Variants in IQCJ observed in about 807,000 individuals in gnomAD.
IQCJ encodes the protein IQ domain-containing protein J.
IQCJ carries 9 observed loss-of-function variants against 11.0 expected under a neutral mutation model. That is an observed-to-expected ratio of 0.82 (90% CI 0.49 to 1.43). IQCJ has a LOEUF of 1.43. Among genes scored for constraint, IQCJ ranks in the 40% most tolerant of loss-of-function variants. The pLI is 0.00. For missense variants in IQCJ, 146 were observed against 133.2 expected, an observed-to-expected ratio of 1.10 and a Z score of -0.47; for synonymous variants, 55 against 51.3, an observed-to-expected ratio of 1.07 and a Z score of -0.31.
chr3:159,160,507 ATTTTTATT>A (rs1484733229), intron 1 of IQCJ, among the ~76,000 whole-genome samples: 4 of 151,240 alleles, frequency 2.6e-5, no homozygotes, highest in Non-Finnish European at 4.4e-5. Context: ...TGTGATTTAT[ATTTTTATT>A]TTTTTATTTT....
At chr3:159,221,391 G>C (rs1577090676) in intron 1 of IQCJ, among the ~76,000 whole-genome samples, 1 of 152,116 alleles carries the variant, frequency 6.6e-6, no homozygotes, top group African/African-American at 2.4e-5. Flanking sequence ...GACCTTAAAG[G>C]GTTAAGTAAG....
intron 1 of IQCJ, among the ~76,000 whole-genome samples, chr3:159,116,802 C>T (rs1245794142): frequency 6.6e-6 from 1 of 151,384 alleles, no homozygotes; most frequent in African/African-American, 2.4e-5. Flanking sequence ...AAAATAAGAA[C>T]CAAACCACAC....
chr3:159,253,889 T>C (rs1212332157), intron 3 of IQCJ, among the ~76,000 whole-genome samples: 1 of 152,124 alleles, frequency 6.6e-6, no homozygotes, highest in East Asian at 1.9e-4. Flanking sequence ...CAAATACCAA[T>C]ACATACCCCT....
At chr3:159,103,914 T>C (rs1346682621) in intron 1 of IQCJ, among the ~76,000 whole-genome samples, 2 of 152,258 alleles carry the variant, frequency 1.3e-5, no homozygotes, top group African/African-American at 4.8e-5. Flanking sequence ...TAATTTAATG[T>C]ATATTCAAAT....
At chr3:159,122,855 G>A (rs1056726920) in intron 1 of IQCJ, among the ~76,000 whole-genome samples, 1 of 152,144 alleles carries the variant, frequency 6.6e-6, no homozygotes, top group African/African-American at 2.4e-5. Flanking sequence ...TCTTCAATCT[G>A]TTCATCTTTC....
At chr3:159,186,228 C>T (rs1723363463) in intron 1 of IQCJ, among the ~76,000 whole-genome samples, 1 of 152,118 alleles carries the variant, frequency 6.6e-6, no homozygotes, top group Non-Finnish European at 1.5e-5. Context: ...TGTATATCCC[C>T]AGCACCTAGC....
chr3:159,180,883 G>A (rs922187884), intron 1 of IQCJ, among the ~76,000 whole-genome samples: 3 of 151,924 alleles, frequency 2.0e-5, no homozygotes, highest in Admixed American at 1.3e-4. Flanking sequence ...ACAACATTTT[G>A]TCATCAAGTT....
At chr3:159,217,311 G>T (rs1725288942) in intron 1 of IQCJ, among the ~76,000 whole-genome samples, 1 of 152,198 alleles carries the variant, frequency 6.6e-6, no homozygotes, top group African/African-American at 2.4e-5. Flanking sequence ...TTCTTATTGG[G>T]TGACTGAGTT....
intron 1 of IQCJ, among the ~76,000 whole-genome samples, chr3:159,218,624 TGA>T (rs1725368091): frequency 1.3e-5 from 2 of 152,052 alleles, no homozygotes; most frequent in South Asian, 2.1e-4. Context: ...GGGGAAGATT[TGA>T]GAGTTTTTAG....
chr3:159,085,943 T>G (rs1206391684), intron 1 of IQCJ, among the ~76,000 whole-genome samples: 1 of 152,106 alleles, frequency 6.6e-6, no homozygotes, highest in Non-Finnish European at 1.5e-5. Context: ...TTGTCAATTT[T>G]GGCTTTTGTT....
intron 1 of IQCJ, among the ~76,000 whole-genome samples, chr3:159,220,564 C>T (rs564072638): frequency 6.6e-6 from 1 of 152,194 alleles, no homozygotes; most frequent in East Asian, 1.9e-4. Context: ...TGGTTCAGCC[C>T]CCAGTCTGTC....
At chr3:159,077,628 A>C (rs1216892838) in intron 1 of IQCJ, among the ~76,000 whole-genome samples, 1 of 152,108 alleles carries the variant, frequency 6.6e-6, no homozygotes, top group East Asian at 1.9e-4. Context: ...CTGTGTTAAA[A>C]ATAGTTATAT....
At chr3:159,255,309 T>A (rs1186800005) in intron 3 of IQCJ, among the ~76,000 whole-genome samples, 1 of 152,080 alleles carries the variant, frequency 6.6e-6, no homozygotes, top group Non-Finnish European at 1.5e-5. Flanking sequence ...CCATACAGGG[T>A]GTCTGGCTAG....
At chr3:159,125,857 G>C (rs1038625959) in intron 1 of IQCJ, among the ~76,000 whole-genome samples, 1 of 152,190 alleles carries the variant, frequency 6.6e-6, no homozygotes, top group South Asian at 2.1e-4. Flanking sequence ...CCTCCAGTAG[G>C]AGCAGAGTCA....
chr3:159,156,878 T>C (rs1054066442), intron 1 of IQCJ, among the ~76,000 whole-genome samples: 4 of 152,240 alleles, frequency 2.6e-5, no homozygotes, highest in African/African-American at 9.6e-5. Context: ...TAAAGATTCA[T>C]CTTCCAATTC....
At chr3:159,083,851 G>C (rs564508964) in intron 1 of IQCJ, among the ~76,000 whole-genome samples, 4 of 152,138 alleles carry the variant, frequency 2.6e-5, no homozygotes, top group South Asian at 2.1e-4. Context: ...AACATTCTTG[G>C]AGTGACAAAA....
chr3:159,141,996 C>T (rs1720631650), intron 1 of IQCJ, among the ~76,000 whole-genome samples: 1 of 152,298 alleles, frequency 6.6e-6, no homozygotes. Context: ...TAGCATTAGT[C>T]TATCTGTTCT....
At chr3:159,212,935 A>G (rs1052986151) in intron 1 of IQCJ, among the ~76,000 whole-genome samples, 44 of 152,176 alleles carry the variant, frequency 2.9e-4, no homozygotes, top group Non-Finnish European at 8.8e-5. Context: ...TCTGTAGTAA[A>G]CACCAGTAAA....
At chr3:159,166,772 T>C (rs1232281484) in intron 1 of IQCJ, among the ~76,000 whole-genome samples, 2 of 152,208 alleles carry the variant, frequency 1.3e-5, no homozygotes, top group African/African-American at 4.8e-5. Flanking sequence ...AGCCAGTAGC[T>C]GATTTCAAGA....
Sources: allele counts gnomAD v4.1 joint callset (sites outside exome capture counted in the v4.1 genomes callset), GRCh38; gene constraint gnomAD v4.1.1; transcripts MANE v1.5; gene names NCBI Gene and HGNC (gene_info 2026-07-23, HGNC 2026-07-21).